The following PAPSS1 variants were observed in gnomAD, a reference collection of about 807,000 sequenced individuals.
The protein encoded by PAPSS1 is bifunctional 3'-phosphoadenosine 5'-phosphosulfate synthase 1.
Under a neutral mutation model 72.0 loss-of-function variants are expected in PAPSS1, and 50 were observed. The observed-to-expected ratio is 0.69, with a 90% CI of 0.55 to 0.88. The LOEUF is 0.88. Ranked by LOEUF, PAPSS1 falls within the 40% of genes least tolerant of loss-of-function variation. PAPSS1 has a pLI of 0.00. For synonymous variants in PAPSS1, 261 were observed against 263.6 expected (o/e 0.99, Z 0.09); for missense variants, 657 against 782.2 (o/e 0.84, Z 1.91).
At chr4:107,629,275 A>T (rs748849713) in intron 11 of PAPSS1, among the ~76,000 whole-genome samples, 1 of 152,224 alleles carries the variant, frequency 6.6e-6, no homozygotes, top group Non-Finnish European at 1.5e-5. Flanking sequence ...GTTTATGGGG[A>T]TAATGTCCCA....
At chr4:107,700,786 T>G (rs369681623) in intron 2 of PAPSS1, among the ~76,000 whole-genome samples, 2 of 152,184 alleles carry the variant, frequency 1.3e-5, no homozygotes, top group African/African-American at 2.4e-5. Flanking sequence ...CTATGAGAAA[T>G]AAATTTCTAT....
chr4:107,672,586 G>A (rs1727515172), intron 5 of PAPSS1, among the ~76,000 whole-genome samples: 2 of 152,310 alleles, frequency 1.3e-5, no homozygotes, highest in Admixed American at 1.3e-4. Flanking sequence ...GAACTTGGTG[G>A]AGCCCACCAC....
intron 1 of PAPSS1, among the ~76,000 whole-genome samples, chr4:107,705,312 A>T (rs1723313512): frequency 6.6e-6 from 1 of 152,196 alleles, no homozygotes; most frequent in Non-Finnish European, 1.5e-5. Context: ...ACATGGTAGG[A>T]GGTGATCAGA....
intron 9 of PAPSS1, among the ~76,000 whole-genome samples, chr4:107,651,019 A>G (rs1265102917): frequency 6.6e-6 from 1 of 152,210 alleles, no homozygotes. Flanking sequence ...ATCAATCATT[A>G]TTCATTCCTG....
intron 4 of PAPSS1, among the ~76,000 whole-genome samples, chr4:107,683,947 T>G (rs1348596870): frequency 7.1e-6 from 1 of 140,528 alleles, no homozygotes; most frequent in Non-Finnish European, 1.6e-5. Flanking sequence ...CAAACCTAAG[T>G]ATCAGTGTAT....
Position 107,615,387 on chromosome 4 carries a change from T to C in PAPSS1, c.1737-1000A>G, listed in dbSNP as rs181708376. ...TTACTTCTAGTTGGCAGTTCTATGT[T>C]CCTTCCTCTCTTCATTATTTATAGA... On this transcript the variant is annotated intron_variant, in intron 11 of 11. Transcript: ENST00000265174. Among the ~76,000 whole-genome samples, 723 of 152,300 alleles carry C rather than the reference T, an allele frequency of 4.7e-3. 6 individuals carry two copies. Among genetic ancestry groups the C allele is most frequent in the Non-Finnish European group, 5.2e-3 (354 of 68,018 alleles).
chr4:107,658,500 G>A (rs145993237), intron 6 of PAPSS1, among the ~76,000 whole-genome samples: 13 of 152,248 alleles, frequency 8.5e-5, no homozygotes, highest in African/African-American at 2.6e-4. Flanking sequence ...GAACGTCAAA[G>A]GACCGATGAA....
At chr4:107,703,514 A>C (rs746654515) in intron 1 of PAPSS1, among the ~76,000 whole-genome samples, 3 of 151,796 alleles carry the variant, frequency 2.0e-5, no homozygotes, top group Non-Finnish European at 2.9e-5. Flanking sequence ...TAAATTTTTA[A>C]TTCACTTTGA....
At chr4:107,693,209 G>A (rs1172676394) in intron 3 of PAPSS1, among the ~76,000 whole-genome samples, 1 of 152,178 alleles carries the variant, frequency 6.6e-6, no homozygotes, top group African/African-American at 2.4e-5. Context: ...CTGGAAGTCA[G>A]CTGACACTGT....
chr4:107,655,133 A>G (rs542333808), intron 7 of PAPSS1, among the ~76,000 whole-genome samples: 1 of 151,998 alleles, frequency 6.6e-6, no homozygotes, highest in African/African-American at 2.4e-5. Context: ...AGGAAAAATT[A>G]AAAGAATCAA....
intron 1 of PAPSS1, among the ~76,000 whole-genome samples, chr4:107,711,363 C>T (rs1444005594): frequency 6.6e-6 from 1 of 152,162 alleles, no homozygotes; most frequent in East Asian, 1.9e-4. Context: ...ACACAAGTGG[C>T]CCTTTTTGAC....
chr4:107,670,126 T>C (rs1003194624), intron 5 of PAPSS1, among the ~76,000 whole-genome samples: 44 of 152,210 alleles, frequency 2.9e-4, no homozygotes, highest in Non-Finnish European at 4.4e-5. Flanking sequence ...TTTCCTCCAA[T>C]TGAAATAAAC....
chr4:107,627,268 TAA>T (rs889048625), intron 11 of PAPSS1, among the ~76,000 whole-genome samples: 1 of 152,232 alleles, frequency 6.6e-6, no homozygotes, highest in Non-Finnish European at 1.5e-5. Flanking sequence ...GAAATTCACC[TAA>T]GTTTTAAGCA....
At chr4:107,674,446 A>G (rs1002690474) in intron 5 of PAPSS1, among the ~76,000 whole-genome samples, 1 of 152,248 alleles carries the variant, frequency 6.6e-6, no homozygotes. Flanking sequence ...AGGTCATTAC[A>G]TAATGGTAAA....
chr4:107,701,976 CAAA>C (rs11328129), intron 1 of PAPSS1, among the ~76,000 whole-genome samples: 67 of 133,838 alleles, frequency 5.0e-4, no homozygotes, highest in Admixed American at 5.9e-4. Context: ...AAAGCTGCTT[CAAA>C]AAAAAAAAAA....
In PAPSS1 at chr4:107,654,699, A is replaced by G. The variant is rs1299166409; in HGVS notation, c.1097T>C (p.Ile366Thr). 17 of 1,612,132 alleles carry G rather than the reference A, an allele frequency of 1.1e-5. No homozygotes were observed. Among genetic ancestry groups the G allele is most frequent in the Non-Finnish European group, 1.3e-5 (15 of 1,179,478 alleles). ...GCAGCGAGGTTTTTTCAGCACCTTA[A>G]TATAGGGGTGGTTCTTGCATGTCGT... ...WGTTCKNHPY[I>T]KMVMEQGDWL... The change falls in exon 8 of 12, where the codon ATT (isoleucine) becomes ACT (threonine). Residue 366 changes from isoleucine to threonine, a missense_variant. By Grantham distance (89) the Ile-to-Thr change is moderately conservative. Around this residue, in one of 7 missense-constraint regions of PAPSS1, gnomAD observed 190 missense variants for 176.7 expected, o/e 1.07. Transcript: ENST00000265174.
intron 10 of PAPSS1, among the ~76,000 whole-genome samples, chr4:107,640,167 A>C (rs1484519619): frequency 1.3e-5 from 2 of 152,204 alleles, no homozygotes; most frequent in Admixed American, 1.3e-4. Flanking sequence ...TAGTGAGATG[A>C]GACAAATAGA....
intron 10 of PAPSS1, among the ~76,000 whole-genome samples, 173 bp downstream of exon 10, chr4:107,644,629 G>A (rs914463405): frequency 1.8e-4 from 28 of 152,174 alleles, no homozygotes; most frequent in Admixed American, 5.9e-4. Flanking sequence ...CCTTTCTCAA[G>A]GCTGCCCCTA....
intron 4 of PAPSS1, among the ~76,000 whole-genome samples, chr4:107,685,649 C>T (rs997991688): frequency 2.0e-5 from 3 of 152,188 alleles, no homozygotes; most frequent in Non-Finnish European, 4.4e-5. Context: ...GCAGCAGTCC[C>T]CATCAAGGAG....
Sources: allele counts gnomAD v4.1 joint callset (sites outside exome capture counted in the v4.1 genomes callset), GRCh38; gene constraint gnomAD v4.1.1; regional missense constraint gnomAD v4.1.1; transcripts MANE v1.5; gene names NCBI Gene and HGNC (gene_info 2026-07-23, HGNC 2026-07-21).